IFT140: variants seen among roughly 807,000 people sequenced by gnomAD.
The protein encoded by IFT140 is intraflagellar transport 140.
In IFT140, 133 loss-of-function variants were observed where a neutral mutation model predicts 164.6. The observed-to-expected ratio is 0.81, with a 90% CI of 0.70 to 0.93. The LOEUF (loss-of-function observed/expected upper bound fraction) is 0.93. Among genes scored for constraint, IFT140 ranks in the 40% least tolerant of loss-of-function variants. The pLI is 0.00. For missense variants in IFT140, 2,045 were observed against 1,972.3 expected (o/e 1.04, Z -0.70); for synonymous variants, 860 against 817.3 (o/e 1.05, Z -0.89).
At chr16:1,595,989 G>A (rs2035444823) in intron 4 of IFT140, among the ~76,000 whole-genome samples, 2 of 151,582 alleles carry the variant, frequency 1.3e-5, no homozygotes, top group South Asian at 4.2e-4. Context: ...CCAGGAGGCA[G>A]AGCTTGCAAT....
chr16:1,561,302 T>C (rs2033393917), intron 18 of IFT140, among the ~76,000 whole-genome samples: 1 of 152,252 alleles, frequency 6.6e-6, no homozygotes, highest in Admixed American at 6.5e-5. Context: ...AATGACTGTT[T>C]CAGGTCCAAA....
intron 19 of IFT140, among the ~76,000 whole-genome samples, chr16:1,537,136 T>C (rs2031153880): frequency 6.6e-6 from 1 of 152,222 alleles, no homozygotes; most frequent in Non-Finnish European, 1.5e-5. Flanking sequence ...GGGTGCTGGT[T>C]TGCTCACAAT....
chr16:1,575,489 A>G lies in IFT140; in HGVS notation c.1525-3955T>C, dbSNP rs1037547735. Among the ~76,000 whole-genome samples, 5 of 151,894 alleles carry G rather than the reference A, an allele frequency of 3.3e-5. No individual in the cohort carries two copies. The East Asian group carries it at 9.7e-4, about 30-fold the overall frequency. On this transcript the variant is annotated intron_variant, in intron 13 of 30. Coordinates refer to ENST00000426508, the MANE Select transcript of IFT140 (RefSeq NM_014714.4). The stretch of plus-strand genomic sequence containing the variant: ...GATCGCTTGAGCCCAGGAGGTCAAG[A>G]CTGCAGTGAGCTATGATTGCCACTG...
intron 19 of IFT140, chr16:1,541,966 C>T (rs373793395): frequency 2.4e-5 from 38 of 1,610,338 alleles, no homozygotes; most frequent in Middle Eastern, 1.6e-4. Flanking sequence ...GCCACGGCCG[C>T]GCTCACCGCA....
chr16:1,525,420 G>C (rs1317246513), intron 21 of IFT140, 94 bp from the exon 22 acceptor site: 5 of 927,642 alleles, frequency 5.4e-6, no homozygotes, highest in South Asian at 1.3e-5. Flanking sequence ...AAACGCATCA[G>C]AGCGGTGGCC....
At position 1,551,313 on chromosome 16, in the gene IFT140, G is replaced by A. The variant is rs1049873876; in HGVS notation, c.2399+6622C>T. Among the ~76,000 whole-genome samples the A allele has an allele frequency of 2.0e-5, 3 of 152,058 alleles. No individual in the cohort carries two copies. Among genetic ancestry groups the A allele is most frequent in the Non-Finnish European group, 4.4e-5 (3 of 68,004 alleles). ...GGGTGGGCAGGTGCAACTCTAAGCC[G>A]AGGCCCGAAGGATCAGCAGCAGGAG... On this transcript the variant is annotated intron_variant, in intron 19 of 30. Coordinates refer to ENST00000426508, the MANE Select transcript of IFT140 (RefSeq NM_014714.4). This position sits in a 1 kb window ranked among gnomAD's most constrained non-coding sequence, Gnocchi z 4.0.
At chr16:1,597,143 A>T (rs1295384181) in intron 4 of IFT140, among the ~76,000 whole-genome samples, 1 of 152,146 alleles carries the variant, frequency 6.6e-6, no homozygotes, top group African/African-American at 2.4e-5. Context: ...GGCTGGCCCC[A>T]CATCAGGGTG....
At chr16:1,588,283 T>C (rs1329916418) in intron 7 of IFT140, among the ~76,000 whole-genome samples, 1 of 152,120 alleles carries the variant, frequency 6.6e-6, no homozygotes, top group African/African-American at 2.4e-5. Context: ...CCCAGCACTT[T>C]GGGAGGCCGA....
At chr16:1,525,454 G>GCT in intron 21 of IFT140, 128 bp from the exon 22 acceptor site, 1 of 716,842 alleles carries the variant, frequency 1.4e-6, no homozygotes, top group Non-Finnish European at 2.4e-6. Flanking sequence ...CTCCTGGCCT[G>GCT]CAGCTCTGCA....
chr16:1,588,902 A>G (rs1451101815), intron 7 of IFT140, among the ~76,000 whole-genome samples: 1 of 151,928 alleles, frequency 6.6e-6, no homozygotes, highest in African/African-American at 2.4e-5. Flanking sequence ...AGGAGACACC[A>G]GAGCTGGTGC....
rs1596372928 is a variant in IFT140, at chr16:1,564,141, C to T, written c.1923G>A (p.Glu641=). The change falls in exon 17 of 31, where the codon GAG becomes GAA. Residue 641 remains glutamate (E), a synonymous_variant. Transcript: ENST00000426508. This position sits in a 1 kb window ranked among gnomAD's most constrained non-coding sequence, Gnocchi z 5.5. The stretch of plus-strand genomic sequence containing the variant: ...TCACGGGAACATAATTTTTCAGTCC[C>T]TCATCCACAAAGAGGTGGCTCCTAA... The part of the protein sequence containing the change: ...ETNKSHLFVD[E]GLKNYVPVNH... 6.3e-7 allele frequency: 1 copy of T among 1,581,900 alleles called. No homozygotes were observed. The highest frequency in any genetic ancestry group is 8.6e-7 in the Non-Finnish European group (1 of 1,156,552).
chr16:1,584,546 T>G, intron 10 of IFT140, 126 bp from the exon 11 acceptor site: 1 of 725,904 alleles, frequency 1.4e-6, no homozygotes, highest in Non-Finnish European at 2.3e-6. Flanking sequence ...GTTCCGGACT[T>G]AAAAAATGAT....
intron 27 of IFT140, 34 bp from the exon 28 acceptor site, chr16:1,520,377 G>C: frequency 6.2e-7 from 1 of 1,606,840 alleles, no homozygotes; most frequent in Non-Finnish European, 8.5e-7. Flanking sequence ...CAGGCAAGCA[G>C]GGGCTGGGCC....
chr16:1,512,355 G>A (rs953066699), intron 30 of IFT140, among the ~76,000 whole-genome samples: 5 of 152,072 alleles, frequency 3.3e-5, no homozygotes, highest in Admixed American at 1.3e-4. Context: ...AAAGCTGAGC[G>A]GATATAGGAG....
chr16:1,540,096 T>C (rs1012198554), intron 19 of IFT140, among the ~76,000 whole-genome samples: 5 of 152,118 alleles, frequency 3.3e-5, no homozygotes, highest in Non-Finnish European at 7.4e-5. Context: ...AGGAGCAGTG[T>C]GCCTCCAGGG....
intron 19 of IFT140, among the ~76,000 whole-genome samples, chr16:1,527,733 A>G (rs1200046257): frequency 1.3e-5 from 2 of 152,102 alleles, no homozygotes; most frequent in East Asian, 1.9e-4. Context: ...TACCACACCC[A>G]GCTAAGTTTT....
chr16:1,568,607 C>T lies in IFT140; in HGVS notation c.1653-273G>A, dbSNP rs546842679. Among the ~76,000 whole-genome samples, 38 of 152,160 alleles carry T rather than the reference C, an allele frequency of 2.5e-4. No individual in the cohort carries two copies. In the South Asian group the frequency reaches 6.7e-3, roughly 27 times the overall value. ...ATTAAAAATGCTGTTCTAGGCCAGG[C>T]GTGGTGGCTCACACCTGTAATCCCA... is the stretch of plus-strand genomic sequence containing the variant. On this transcript the variant is annotated intron_variant, in intron 14 of 30. Transcript: ENST00000426508.
At chr16:1,542,683 C>T (rs926568424) in intron 19 of IFT140, among the ~76,000 whole-genome samples, 3 of 152,264 alleles carry the variant, frequency 2.0e-5, no homozygotes, top group Admixed American at 6.5e-5. Context: ...CTGCCTGAGC[C>T]GACAGTGAGG....
intron 19 of IFT140, chr16:1,557,715 C>T: frequency 1.8e-6 from 1 of 561,176 alleles, no homozygotes; most frequent in Non-Finnish European, 3.2e-6. Context: ...AGCAGCTAAA[C>T]AGCCCGAGAG....
Sources: gnomAD v4.1 joint callset for allele counts (sites outside exome capture counted in the v4.1 genomes callset) on GRCh38, gnomAD v4.1.1 for gene constraint, Gnocchi (gnomAD v3.1) non-coding constraint, MANE v1.5 for transcripts, NCBI Gene and HGNC (gene_info 2026-07-23, HGNC 2026-07-21) for gene names.